Variants in MUSK observed in about 807,000 individuals in gnomAD.
The protein encoded by MUSK is muscle associated receptor tyrosine kinase.
A neutral mutation model predicts 88.7 loss-of-function variants in MUSK; 55 were observed. The ratio of observed to expected loss-of-function variants is 0.62; its 90% CI spans 0.50 to 0.78. MUSK has a LOEUF of 0.78. MUSK is among the 30% of genes least tolerant of loss of function. The probability of loss-of-function intolerance (pLI) is 0.00; values close to 1 mark genes in which losing one functional copy is unlikely to be tolerated. For missense variants in MUSK, 1,015 were observed against 1,074.3 expected (o/e 0.94, Z 0.77); for synonymous variants, 387 against 391.9 (o/e 0.99, Z 0.15).
chr9:110,729,239 T>C (rs557525349), intron 5 of MUSK, among the ~76,000 whole-genome samples: 5 of 83,478 alleles, frequency 6.0e-5, no homozygotes, highest in African/African-American at 1.8e-4. Flanking sequence ...GGAATATGTT[T>C]AGAGGAAAAT....
chr9:110,687,204 C>T lies in MUSK; in HGVS notation c.294C>T (p.Cys98=). The T allele has an allele frequency of 6.2e-7, 1 of 1,613,888 alleles. No individual in the cohort carries two copies. The highest frequency in any genetic ancestry group is 8.5e-7 in the Non-Finnish European group (1 of 1,179,816). ...AAGACAGTGATGATGGCATTTACTGCTGCACGGCCAACAATGGTGTGGGAG... is the reference window on the plus strand; with the variant it reads ...AAGACAGTGATGATGGCATTTACTGTTGCACGGCCAACAATGGTGTGGGAG... ...SVEDSDDGIY[C]CTANNGVGGA... The change falls in exon 3 of 15, where the codon TGC becomes TGT. Residue 98 remains cysteine (C), a synonymous_variant. Transcript: ENST00000374448.
intron 5 of MUSK, 150 bp from the exon 6 acceptor site, chr9:110,734,101 G>A (rs576926234): frequency 2.7e-5 from 22 of 809,148 alleles, no homozygotes; most frequent in South Asian, 7.8e-5. Context: ...TTGGAGGCTC[G>A]GCCATGGCAT....
intron 5 of MUSK, among the ~76,000 whole-genome samples, chr9:110,703,854 AG>A (rs1268433511): frequency 5.3e-5 from 8 of 152,242 alleles, no homozygotes; most frequent in African/African-American, 1.7e-4. Context: ...CATTGATGAA[AG>A]ACTTAAATCT....
At chr9:110,736,886 T>C (rs1055427315) in intron 6 of MUSK, among the ~76,000 whole-genome samples, 1 of 152,090 alleles carries the variant, frequency 6.6e-6, no homozygotes, top group Admixed American at 6.6e-5. Context: ...CAGATAATTA[T>C]AACATGACCA....
intron 3 of MUSK, among the ~76,000 whole-genome samples, chr9:110,689,387 A>G (rs2076254265): frequency 8.5e-6 from 1 of 117,630 alleles, no homozygotes; most frequent in Admixed American, 9.8e-5. Context: ...TGTAAAAAAT[A>G]TAAAAATATG....
At chr9:110,682,517 C>T (rs1379365843) in intron 1 of MUSK, among the ~76,000 whole-genome samples, 157 bp from the exon 2 acceptor site, 1 of 152,060 alleles carries the variant, frequency 6.6e-6, no homozygotes, top group Non-Finnish European at 1.5e-5. Flanking sequence ...GAAGTAGAAA[C>T]AACATTCTTT....
rs1294180833 is a variant in MUSK at position 110,713,264 on chromosome 9, T to TTC, written c.628+15799_628+15800insCT. ...TATCTTCTCTTGGACCTTTTTTTCT[T>TTC]TTTTTTTTTTTTTGAGACAGAGTCT... On this transcript the variant is annotated intron_variant, in intron 5 of 14. Transcript: ENST00000374448. Among the ~76,000 whole-genome samples, 16 of 97,852 alleles carry TTC rather than the reference T, an allele frequency of 1.6e-4. No individual in the cohort carries two copies. In the South Asian group the frequency reaches 3.5e-3, roughly 22 times the overall value. The allele number at this position is 97,852 out of a possible 152,430, so 64.2% of individuals were successfully genotyped here.
chr9:110,741,926 G>A (rs908951805), intron 6 of MUSK, among the ~76,000 whole-genome samples: 1 of 152,104 alleles, frequency 6.6e-6, no homozygotes, highest in Non-Finnish European at 1.5e-5. Context: ...TAACACAGAC[G>A]TCAGGTGGCT....
intron 5 of MUSK, among the ~76,000 whole-genome samples, chr9:110,727,240 G>A (rs2076897355): frequency 6.6e-6 from 1 of 151,972 alleles, no homozygotes; most frequent in African/African-American, 2.4e-5. Flanking sequence ...TTAAATGTAA[G>A]GGGATTGGGT....
At position 110,689,475 on chromosome 9, in the gene MUSK, A is replaced by C. The variant is rs563674999; in HGVS notation, c.358+2207A>C. On this transcript the variant is annotated intron_variant, in intron 3 of 14. Transcript: ENST00000374448. ...AAAATACATATTTATATATATGTAA[A>C]AAATATAAAAATATGTAAAAAATAC... Among the ~76,000 whole-genome samples, 58 of 110,246 alleles carry C rather than the reference A, an allele frequency of 5.3e-4. 2 individuals are homozygous for C. Among genetic ancestry groups the C allele is most frequent in the Middle Eastern group, 0.013 (1 of 80 alleles). 72.3% of individuals were successfully genotyped at this position (110,246 alleles called of 152,430 possible).
chr9:110,787,926 C>A, intron 14 of MUSK, 88 bp downstream of exon 14: 1 of 1,436,866 alleles, frequency 7.0e-7, no homozygotes, highest in Non-Finnish European at 9.6e-7. Flanking sequence ...TTTTCCTTTT[C>A]TCCTTGATCA....
intron 7 of MUSK, among the ~76,000 whole-genome samples, chr9:110,760,908 GC>G (rs1450710033): frequency 6.6e-6 from 1 of 152,082 alleles, no homozygotes; most frequent in Non-Finnish European, 1.5e-5. Context: ...TCATGTTACA[GC>G]CCTTAAAAAT....
At chr9:110,789,788 A>C (rs182694461) in intron 14 of MUSK, among the ~76,000 whole-genome samples, 1 of 152,296 alleles carries the variant, frequency 6.6e-6, no homozygotes, top group Admixed American at 6.5e-5. Context: ...GGGAAAAAAA[A>C]AAGACGTGTT....
chr9:110,683,163 T>C (rs1446438228), intron 2 of MUSK, among the ~76,000 whole-genome samples: 1 of 152,090 alleles, frequency 6.6e-6, no homozygotes, highest in Non-Finnish European at 1.5e-5. Context: ...ACCATCCTTT[T>C]ACGCTCCATG....
chr9:110,707,150 G>C (rs2076610686), intron 5 of MUSK, among the ~76,000 whole-genome samples: 1 of 152,110 alleles, frequency 6.6e-6, no homozygotes, highest in South Asian at 2.1e-4. Flanking sequence ...AGGAGTTCGA[G>C]ACAAGCCTGG....
At position 110,734,246 on chromosome 9, in the gene MUSK, A is replaced by G. The variant is rs762229618; in HGVS notation, c.629-5A>G. On this transcript the variant is annotated splice_polypyrimidine_tract_variant and splice_region_variant and intron_variant, in intron 5 of 14. Coordinates refer to ENST00000374448, the MANE Select transcript of MUSK (RefSeq NM_005592.4). Reference sequence around the variant, plus strand: ...CGTCACTCACCACTTCTGTCTTCCTAACAGTTTTTGCCAGGATCCTGCGGG... The same window carrying G: ...CGTCACTCACCACTTCTGTCTTCCTGACAGTTTTTGCCAGGATCCTGCGGG... 13 of 1,609,958 alleles carry G rather than the reference A, an allele frequency of 8.1e-6. No homozygotes were observed. The highest frequency in any genetic ancestry group is 1.7e-5 in the Admixed American group (1 of 59,372).
rs549228535 is a variant in MUSK at position 110,684,175 on chromosome 9, G to T, written c.206+1375G>T. On this transcript the variant is annotated intron_variant, in intron 2 of 14. Coordinates refer to ENST00000374448, the MANE Select transcript of MUSK (RefSeq NM_005592.4). The stretch of plus-strand genomic sequence containing the variant: ...TTTTTGTATATGGAGAGAGATAGGG[G>T]TCTAGTTTTATTCTTCTGTACATGG... Among the ~76,000 whole-genome samples the T allele has an allele frequency of 8.6e-4, 131 of 152,156 alleles. 1 individual carries two copies. The highest frequency in any genetic ancestry group is 3.1e-3 in the African/African-American group (127 of 41,522).
rs1227374703 is a variant in MUSK, at chr9:110,806,101, C to T, written c.*5113C>T. On this transcript the variant is annotated 3_prime_UTR_variant, in exon 15 of 15. Transcript: ENST00000374448. The stretch of plus-strand genomic sequence containing the variant: ...CTCTAGTCCCAGCCTAAGTGCTAAC[C>T]ACTTCACCCATTTATAGTGTTAGTT... Among the ~76,000 whole-genome samples, 1 of 151,980 alleles carries T rather than the reference C, an allele frequency of 6.6e-6. No homozygotes were observed. The highest frequency in any genetic ancestry group is 6.6e-5 in the Admixed American group (1 of 15,248).
intron 9 of MUSK, among the ~76,000 whole-genome samples, chr9:110,768,995 T>C (rs1428750571): frequency 6.6e-6 from 1 of 152,196 alleles, no homozygotes; most frequent in Non-Finnish European, 1.5e-5. Flanking sequence ...TTGAGCTAAA[T>C]AGAACAAAGT....
Sources: allele counts gnomAD v4.1 joint callset (sites outside exome capture counted in the v4.1 genomes callset), GRCh38; gene constraint gnomAD v4.1.1; transcripts MANE v1.5; gene names NCBI Gene and HGNC (gene_info 2026-07-23, HGNC 2026-07-21).